The following BCL7A variants were observed in gnomAD, a reference collection of about 807,000 sequenced individuals.
BCL7A encodes the protein BAF chromatin remodeling complex subunit BCL7A.
A neutral mutation model predicts 28.4 loss-of-function variants in BCL7A; 11 were observed. That is an observed-to-expected ratio of 0.39 (90% CI 0.24 to 0.64). The LOEUF (loss-of-function observed/expected upper bound fraction) is 0.64, where lower values mean the gene tolerates loss of function less well. Among genes scored for constraint, BCL7A ranks in the 30% least tolerant of loss-of-function variants. The probability of loss-of-function intolerance (pLI) is 0.50; values close to 1 mark genes in which losing one functional copy is unlikely to be tolerated. For missense variants in BCL7A, 222 were observed against 274.8 expected (o/e 0.81, Z 1.36); for synonymous variants, 123 against 103.3 (o/e 1.19, Z -1.15).
chr12:122,022,332 G>A (rs2135833036), intron 1 of BCL7A, 149 bp downstream of exon 1: 2 of 309,872 alleles, frequency 6.5e-6, no homozygotes, highest in Admixed American at 6.8e-5. Context: ...GGGCGGACGG[G>A]CGGGCGGCGC....
chr12:122,035,265 G>A (rs1298742347), intron 2 of BCL7A, 66 bp from the exon 3 acceptor site: 4 of 1,416,598 alleles, frequency 2.8e-6, no homozygotes, highest in African/African-American at 1.4e-5. Context: ...CTCCCCAGGG[G>A]CTCTGAGCAC....
At chr12:122,037,393 T>A (rs1412248300) in intron 3 of BCL7A, among the ~76,000 whole-genome samples, 1 of 152,168 alleles carries the variant, frequency 6.6e-6, no homozygotes, top group Admixed American at 6.5e-5. Context: ...GAGTTTCTGA[T>A]CTCTCCAGAC....
In BCL7A at chr12:122,059,035, G is replaced by C; in HGVS notation, c.562-57G>C. ...TGGCTGACCTTCGGCCTCACGCCTGGCCTAACTTGCTCTCCTGGCCCATTA... is the reference window on the plus strand; with the variant it reads ...TGGCTGACCTTCGGCCTCACGCCTGCCCTAACTTGCTCTCCTGGCCCATTA... On this transcript the variant is annotated intron_variant, in intron 5 of 5. Coordinates refer to ENST00000261822, the MANE Select transcript of BCL7A (RefSeq NM_001024808.3). The surrounding 1 kb of genome is among the most constrained non-coding windows in gnomAD (Gnocchi z 4.0). 6.8e-7 allele frequency: 1 copy of C among 1,474,960 alleles called. No individual in the cohort carries two copies. Among genetic ancestry groups the C allele is most frequent in the South Asian group, 1.1e-5 (1 of 88,016 alleles). The allele number at this position is 1,474,960 out of a possible 1,614,324, so 91.4% of individuals were successfully genotyped here.
intron 4 of BCL7A, among the ~76,000 whole-genome samples, chr12:122,054,166 C>G (rs935882291): frequency 3.9e-5 from 6 of 152,150 alleles, no homozygotes; most frequent in Non-Finnish European, 8.8e-5. Flanking sequence ...CTCACTGCAA[C>G]CTCCGCCTCC....
intron 3 of BCL7A, 103 bp downstream of exon 3, chr12:122,035,530 CA>C: frequency 9.1e-7 from 1 of 1,100,252 alleles, no homozygotes; most frequent in Non-Finnish European, 1.3e-6. Context: ...ACATTCCAGG[CA>C]AGGGGTAGGA....
intron 4 of BCL7A, 41 bp from the exon 5 acceptor site, chr12:122,054,764 C>T (rs760550517): frequency 5.6e-6 from 9 of 1,596,696 alleles, no homozygotes; most frequent in East Asian, 2.2e-5. Context: ...CCGCCTCTCA[C>T]GTGTCTGAAA....
chr12:122,048,637 G>A (rs1381306973), intron 4 of BCL7A, among the ~76,000 whole-genome samples: 1 of 152,090 alleles, frequency 6.6e-6, no homozygotes. Flanking sequence ...TGTGGTCCCA[G>A]CTACTTGGGA....
intron 3 of BCL7A, among the ~76,000 whole-genome samples, chr12:122,041,846 T>A (rs1194736634): frequency 2.0e-5 from 3 of 152,096 alleles, no homozygotes; most frequent in African/African-American, 7.2e-5. Context: ...AGCGGGCAGA[T>A]CACCTGAGGT....
intron 4 of BCL7A, among the ~76,000 whole-genome samples, chr12:122,045,826 T>C (rs1378901598): frequency 6.6e-6 from 1 of 151,878 alleles, no homozygotes; most frequent in African/African-American, 2.4e-5. Context: ...CAGTAGCTTA[T>C]GCTTATAATC....
At chr12:122,038,429 C>T (rs1883898970) in intron 3 of BCL7A, among the ~76,000 whole-genome samples, 1 of 43,062 alleles carries the variant, frequency 2.3e-5, no homozygotes, top group Non-Finnish European at 3.7e-5. Flanking sequence ...GAGACTCTGC[C>T]TCAAAAAAAA....
intron 3 of BCL7A, among the ~76,000 whole-genome samples, chr12:122,036,914 G>A (rs936980747): frequency 2.0e-5 from 3 of 152,176 alleles, no homozygotes; most frequent in East Asian, 3.9e-4. Context: ...TCACCATGTT[G>A]CCCAGGCTGG....
In BCL7A at chr12:122,061,328, A is replaced by G; in HGVS notation, c.*2165A>G. 4.3e-6 allele frequency: 1 copy of G among 231,098 alleles called. No homozygotes were observed. Among genetic ancestry groups the G allele is most frequent in the Non-Finnish European group, 8.6e-6 (1 of 116,666 alleles). 14.3% of individuals were successfully genotyped at this position (231,098 alleles called of 1,614,324 possible). A position where few individuals can be genotyped will look rare whatever the true frequency, so the allele number is the denominator to read the frequency against. The stretch of plus-strand genomic sequence containing the variant: ...GGGGAGTTGGCGCAGGTGAGGACTC[A>G]GACGACGTCCACCGTCCCAAGGCTG... On this transcript the variant is annotated 3_prime_UTR_variant, in exon 6 of 6. Coordinates refer to ENST00000261822, the MANE Select transcript of BCL7A (RefSeq NM_001024808.3).
chr12:122,027,899 G>A (rs1342780805), intron 1 of BCL7A, among the ~76,000 whole-genome samples: 1 of 152,176 alleles, frequency 6.6e-6, no homozygotes, highest in African/African-American at 2.4e-5. Flanking sequence ...CCTCATTGGG[G>A]AAGAGGAGCA....
intron 3 of BCL7A, among the ~76,000 whole-genome samples, chr12:122,036,316 G>A (rs1290573034): frequency 1.3e-5 from 2 of 152,148 alleles, no homozygotes; most frequent in African/African-American, 4.8e-5. Flanking sequence ...AGGGTCGCTT[G>A]AGCCCAGGAG....
chr12:122,037,614 G>A (rs757734367), intron 3 of BCL7A, among the ~76,000 whole-genome samples: 7 of 151,504 alleles, frequency 4.6e-5, no homozygotes, highest in African/African-American at 7.3e-5. Flanking sequence ...TCAGGAGTTC[G>A]AGACCAGCCT....
At chr12:122,023,603 C>G (rs1883530517) in intron 1 of BCL7A, among the ~76,000 whole-genome samples, 1 of 152,318 alleles carries the variant, frequency 6.6e-6, no homozygotes, top group Non-Finnish European at 1.5e-5. Flanking sequence ...CTGGGTTTGG[C>G]TCCAGTGGGA....
chr12:122,055,993 CTAGCTCT>C (rs758644213), intron 5 of BCL7A, among the ~76,000 whole-genome samples: 2 of 152,216 alleles, frequency 1.3e-5, no homozygotes, highest in Non-Finnish European at 2.9e-5. Context: ...TCCACATGCC[CTAGCTCT>C]AAGGGGCTGC....
In BCL7A at chr12:122,061,034, T is replaced by C. The variant is rs1289960518; in HGVS notation, c.*1871T>C. ...GTTTTGTTGAGAACTGTGTCCTGCA[T>C]CCTGGCGCAGAACCTACCTGATGCG... On this transcript the variant is annotated 3_prime_UTR_variant, in exon 6 of 6. Transcript: ENST00000261822. The C allele has an allele frequency of 4.4e-6, 1 of 226,800 alleles. No individual in the cohort carries two copies. Among genetic ancestry groups the C allele is most frequent in the African/African-American group, 2.2e-5 (1 of 44,928 alleles). The allele number at this position is 226,800 out of a possible 1,614,324, so 14.0% of individuals were successfully genotyped here.
intron 5 of BCL7A, among the ~76,000 whole-genome samples, chr12:122,057,772 A>T (rs988905664): frequency 2.6e-5 from 4 of 152,218 alleles, no homozygotes; most frequent in African/African-American, 9.7e-5. Flanking sequence ...AGAATAACAC[A>T]CACACATATG....
Sources: gnomAD v4.1 joint callset for allele counts (sites outside exome capture counted in the v4.1 genomes callset) on GRCh38, gnomAD v4.1.1 for gene constraint, Gnocchi (gnomAD v3.1) non-coding constraint, MANE v1.5 for transcripts, NCBI Gene and HGNC (gene_info 2026-07-23, HGNC 2026-07-21) for gene names.